ACER3: variants seen among roughly 807,000 people sequenced by gnomAD.
The protein encoded by ACER3 is alkaline ceramidase 3, also known as alkCDase 3.
Under a neutral mutation model 48.9 loss-of-function variants are expected in ACER3, and 16 were observed. The ratio of observed to expected loss-of-function variants is 0.33; its 90% CI spans 0.22 to 0.50. The LOEUF is 0.50. ACER3 is among the 20% of genes least tolerant of loss of function. ACER3 has a pLI of 0.98. For synonymous variants in ACER3, 109 were observed against 107.8 expected, an observed-to-expected ratio of 1.01 and a Z score of -0.07; for missense variants, 227 against 326.0, an observed-to-expected ratio of 0.70 and a Z score of 2.34.
Position 77,019,736 on chromosome 11 carries a change from A to C in ACER3, c.710A>C (p.Tyr237Ser). The C allele has an allele frequency of 6.2e-7, 1 of 1,614,098 alleles. No individual in the cohort carries two copies. Among genetic ancestry groups the C allele is most frequent in the Non-Finnish European group, 8.5e-7 (1 of 1,179,958 alleles). Residue 237 changes from tyrosine to serine, a missense_variant, in exon 10 of 11, where the codon TAT becomes TCT. By Grantham distance (144) the Tyr-to-Ser change is moderately radical. Coordinates refer to ENST00000532485, the MANE Select transcript of ACER3 (RefSeq NM_018367.7). ...GSYLHILFSL[Y>S]TRTLYLRYRP... is the part of the protein sequence containing the mutation. ...CCCTCCCACTTTTCTTTCAGTTTGT[A>C]TACAAGAACACTTTACCTGAGATAT...
intron 1 of ACER3, chr11:76,868,213 G>C: frequency 1.6e-6 from 2 of 1,289,766 alleles, no homozygotes; most frequent in Non-Finnish European, 2.0e-6. Context: ...GCTGGCAGAG[G>C]TGACATCCCT....
At chr11:76,944,022 CT>C (rs1947415286) in intron 2 of ACER3, among the ~76,000 whole-genome samples, 1 of 151,452 alleles carries the variant, frequency 6.6e-6, no homozygotes, top group Admixed American at 6.6e-5. Context: ...TTTTCTACCC[CT>C]TTACTGTCAG....
intron 1 of ACER3, among the ~76,000 whole-genome samples, chr11:76,916,543 G>GT (rs1946534527): frequency 1.3e-5 from 2 of 152,256 alleles, no homozygotes; most frequent in African/African-American, 4.8e-5. Flanking sequence ...GTTAAGTGCT[G>GT]TAACAAGAGT....
At position 77,025,434 on chromosome 11, in the gene ACER3, GTC is replaced by G. The variant is rs1400524915; in HGVS notation, c.*5115_*5116del. 7.1e-6 allele frequency: 1 copy of G among 140,442 alleles called. No homozygotes were observed. Among genetic ancestry groups the G allele is most frequent in the Non-Finnish European group, 1.5e-5 (1 of 67,196 alleles). 8.7% of individuals were successfully genotyped at this position (140,442 alleles called of 1,614,324 possible). On this transcript the variant is annotated 3_prime_UTR_variant, in exon 11 of 11. Transcript: ENST00000532485. ...TATTTATTTATTTTTTTGAGACAGA[GTC>G]TCTCTCTGTCACCCACGCTGGAGTG... is the stretch of plus-strand genomic sequence containing the variant.
At position 76,999,133 on chromosome 11, in the gene ACER3, TA is replaced by T. The variant is rs1304103263; in HGVS notation, c.497+321del. ...TTAGAGACCTTAAAAATCCTATAGT[TA>T]AAAAAAAATTGTTTTTGTCTTTCTT... On this transcript the variant is annotated intron_variant, in intron 7 of 10. Coordinates refer to ENST00000532485, the MANE Select transcript of ACER3 (RefSeq NM_018367.7). 2.9e-3 allele frequency among the ~76,000 whole-genome samples: 442 copies of T among 151,352 alleles called. 2 individuals are homozygous for T. Among genetic ancestry groups the T allele is most frequent in the African/African-American group, 0.01 (419 of 41,350 alleles).
chr11:76,950,398 TATATATATATATAA>T, intron 2 of ACER3, among the ~76,000 whole-genome samples: 1 of 30,942 alleles, frequency 3.2e-5, no homozygotes, highest in Non-Finnish European at 7.4e-5. Flanking sequence ...TATATATATA[TATATATATATATAA>T]TTTACACATG....
chr11:76,991,746 G>A (rs1312777402), intron 6 of ACER3, among the ~76,000 whole-genome samples: 1 of 147,454 alleles, frequency 6.8e-6, no homozygotes. Flanking sequence ...AACCCACGAG[G>A]CAGAGGTTGC....
At chr11:76,868,411 G>GTA (rs1945158870) in intron 1 of ACER3, 1 of 557,364 alleles carries the variant, frequency 1.8e-6, no homozygotes. Flanking sequence ...GTGTGTGTGT[G>GTA]TGTGTGTGTG....
intron 6 of ACER3, among the ~76,000 whole-genome samples, chr11:76,996,907 G>A (rs1186834844): frequency 1.3e-5 from 2 of 151,622 alleles, no homozygotes; most frequent in Non-Finnish European, 2.9e-5. Flanking sequence ...TGCATTTTTA[G>A]TAGAGATGGG....
intron 2 of ACER3, among the ~76,000 whole-genome samples, chr11:76,941,838 T>C (rs1947349765): frequency 1.3e-5 from 2 of 152,120 alleles, no homozygotes; most frequent in Non-Finnish European, 2.9e-5. Flanking sequence ...TAATCAGTGT[T>C]TTGTAATTTT....
chr11:76,894,321 A>G (rs1009257772), intron 1 of ACER3, among the ~76,000 whole-genome samples: 6 of 152,204 alleles, frequency 3.9e-5, no homozygotes, highest in Admixed American at 3.9e-4. Flanking sequence ...TTTAATAATT[A>G]GATAAATGCA....
chr11:76,937,488 G>A (rs1179324186), intron 2 of ACER3, among the ~76,000 whole-genome samples: 2 of 152,142 alleles, frequency 1.3e-5, no homozygotes, highest in Non-Finnish European at 2.9e-5. Flanking sequence ...GAATAAACTG[G>A]TATATGTACA....
chr11:76,995,537 T>A (rs1948893169), intron 6 of ACER3, among the ~76,000 whole-genome samples: 1 of 152,090 alleles, frequency 6.6e-6, no homozygotes, highest in African/African-American at 2.4e-5. Flanking sequence ...AAAGATAAAA[T>A]TTCACTATAA....
intron 6 of ACER3, among the ~76,000 whole-genome samples, chr11:76,995,794 A>G (rs1948897829): frequency 6.6e-6 from 1 of 152,108 alleles, no homozygotes; most frequent in Admixed American, 6.6e-5. Context: ...GTTAATTTGA[A>G]AAAGTCCCAT....
chr11:76,965,153 C>T (rs1402492718), intron 3 of ACER3, among the ~76,000 whole-genome samples: 2 of 151,286 alleles, frequency 1.3e-5, no homozygotes, highest in East Asian at 1.9e-4. Context: ...ACGAGAACTA[C>T]GTGACGAATG....
intron 2 of ACER3, among the ~76,000 whole-genome samples, chr11:76,941,253 G>A (rs949780818): frequency 6.6e-6 from 1 of 152,182 alleles, no homozygotes; most frequent in Non-Finnish European, 1.5e-5. Context: ...TTTGTAGAAA[G>A]AAGTGGGAAT....
At chr11:76,977,103 C>G (rs1309523610) in intron 4 of ACER3, among the ~76,000 whole-genome samples, 1 of 152,156 alleles carries the variant, frequency 6.6e-6, no homozygotes, top group African/African-American at 2.4e-5. Flanking sequence ...GGTATTGGCC[C>G]CATTTTATAG....
At position 76,896,072 on chromosome 11, in the gene ACER3, G is replaced by A. The variant is rs547445528; in HGVS notation, c.104-30485G>A. Among the ~76,000 whole-genome samples, 33 of 152,144 alleles carry A rather than the reference G, an allele frequency of 2.2e-4. No individual in the cohort carries two copies. In the Middle Eastern group the frequency reaches 0.014, roughly 63 times the overall value. ...AACCCTGGAGTTATGCAATAAAAAGGTTCCCATATCTGGAACCATTTTGGA... is the reference window on the plus strand; with the variant it reads ...AACCCTGGAGTTATGCAATAAAAAGATTCCCATATCTGGAACCATTTTGGA... On this transcript the variant is annotated intron_variant, in intron 1 of 10. Coordinates refer to ENST00000532485, the MANE Select transcript of ACER3 (RefSeq NM_018367.7).
chr11:76,937,903 G>A (rs10793212), intron 2 of ACER3, among the ~76,000 whole-genome samples: 86,851 of 152,064 alleles, frequency 0.57, 28,007 homozygotes, highest in Non-Finnish European at 0.74. Flanking sequence ...AGAAAACCTC[G>A]CTTTCCTACG....
Sources: gnomAD v4.1 joint callset for allele counts (sites outside exome capture counted in the v4.1 genomes callset) on GRCh38, gnomAD v4.1.1 for gene constraint, MANE v1.5 for transcripts, NCBI Gene and HGNC (gene_info 2026-07-23, HGNC 2026-07-21) for gene names.